Variants in SIL1 observed in about 807,000 individuals in gnomAD.
SIL1 encodes the protein SIL1 nucleotide exchange factor.
Under a neutral mutation model 49.1 loss-of-function variants are expected in SIL1, and 40 were observed. The ratio of observed to expected loss-of-function variants is 0.81; its 90% confidence interval spans 0.63 to 1.06. The LOEUF is 1.06. Ranked by LOEUF, SIL1 falls within the 50% of genes least tolerant of loss-of-function variation. SIL1 has a pLI of 0.00. For synonymous variants in SIL1, 253 were observed against 250.8 expected (o/e 1.01, Z -0.08); for missense variants, 500 against 572.6 (o/e 0.87, Z 1.29).
intron 1 of SIL1, among the ~76,000 whole-genome samples, chr5:139,174,427 G>A (rs2352071): frequency 1.3e-5 from 2 of 152,030 alleles, no homozygotes; most frequent in South Asian, 4.1e-4. Context: ...AGCCCAGGAG[G>A]TCATGACTAC....
intron 7 of SIL1, among the ~76,000 whole-genome samples, chr5:139,008,907 G>C (rs1391362809): frequency 6.6e-6 from 1 of 151,972 alleles, no homozygotes; most frequent in African/African-American, 2.4e-5. Context: ...TGGAATAGGT[G>C]TGGTGTGGTG....
intron 7 of SIL1, among the ~76,000 whole-genome samples, chr5:138,976,607 G>A (rs891757302): frequency 7.9e-5 from 12 of 151,984 alleles, no homozygotes; most frequent in Admixed American, 6.6e-5. Flanking sequence ...GAGCCACCAC[G>A]CAGGCCATTA....
chr5:138,971,786 T>TG (rs1767285027), intron 7 of SIL1, among the ~76,000 whole-genome samples: 1 of 152,166 alleles, frequency 6.6e-6, no homozygotes, highest in Non-Finnish European at 1.5e-5. Flanking sequence ...AGCTGCCACT[T>TG]TGCTCAATGC....
chr5:139,056,499 T>TG (rs1472330706), intron 3 of SIL1, among the ~76,000 whole-genome samples: 1 of 128,924 alleles, frequency 7.8e-6, no homozygotes, highest in Non-Finnish European at 1.6e-5. Flanking sequence ...GGGAGGGAGG[T>TG]GGGGGTCAGC....
chr5:139,154,448 G>A (rs1212779287), intron 1 of SIL1, among the ~76,000 whole-genome samples: 1 of 152,156 alleles, frequency 6.6e-6, no homozygotes, highest in Non-Finnish European at 1.5e-5. Context: ...ACTCTATCCA[G>A]CCATGTGCTC....
intron 7 of SIL1, among the ~76,000 whole-genome samples, chr5:138,999,309 C>T (rs1767938670): frequency 6.6e-6 from 1 of 152,108 alleles, no homozygotes; most frequent in South Asian, 2.1e-4. Flanking sequence ...TTCATAGCTG[C>T]TGTAAATGGA....
chr5:139,159,911 A>C (rs867638130), intron 1 of SIL1, among the ~76,000 whole-genome samples: 1 of 152,204 alleles, frequency 6.6e-6, no homozygotes. Flanking sequence ...AAGTATGTTT[A>C]CTTTCTAAAC....
intron 3 of SIL1, among the ~76,000 whole-genome samples, chr5:139,060,779 G>A (rs933635430): frequency 8.5e-5 from 13 of 152,098 alleles, no homozygotes; most frequent in Admixed American, 7.9e-4. Flanking sequence ...ATATTTCTAG[G>A]GGCCAGGAAA....
intron 3 of SIL1, among the ~76,000 whole-genome samples, chr5:139,053,133 G>A (rs1018318676): frequency 2.6e-5 from 4 of 152,152 alleles, no homozygotes; most frequent in African/African-American, 9.7e-5. Flanking sequence ...CTCACCTGGA[G>A]AGATCCCAAA....
At chr5:139,005,246 G>C (rs1025847545) in intron 7 of SIL1, among the ~76,000 whole-genome samples, 104 of 129,296 alleles carry the variant, frequency 8.0e-4, no homozygotes, top group African/African-American at 2.9e-3. Context: ...TATCTGCCAA[G>C]TAAAAAAAAA....
intron 1 of SIL1, among the ~76,000 whole-genome samples, chr5:139,135,310 G>C (rs566335610): frequency 1.3e-5 from 2 of 152,132 alleles, no homozygotes; most frequent in Admixed American, 6.5e-5. Context: ...AGCAAAGAGG[G>C]ACTGCTCTCA....
chr5:139,149,044 C>G (rs77802088), intron 1 of SIL1, among the ~76,000 whole-genome samples: 1 of 152,034 alleles, frequency 6.6e-6, no homozygotes, highest in African/African-American at 2.4e-5. Context: ...CAACCACTCC[C>G]GTTAACAACT....
intron 3 of SIL1, among the ~76,000 whole-genome samples, chr5:139,052,430 T>C (rs1293627825): frequency 2.0e-5 from 3 of 152,182 alleles, no homozygotes; most frequent in African/African-American, 7.2e-5. Flanking sequence ...CCAGGCATGG[T>C]TGCTCACACT....
At chr5:139,064,560 A>C (rs1282216415) in intron 3 of SIL1, among the ~76,000 whole-genome samples, 1 of 152,214 alleles carries the variant, frequency 6.6e-6, no homozygotes, top group African/African-American at 2.4e-5. Context: ...GCCTCCTTTC[A>C]CCTGTCAAAG....
chr5:138,988,068 G>A (rs1429214401), intron 7 of SIL1, among the ~76,000 whole-genome samples: 2 of 152,152 alleles, frequency 1.3e-5, no homozygotes, highest in African/African-American at 2.4e-5. Flanking sequence ...CCTGACCTCA[G>A]GTGATCTGCC....
At chr5:139,066,402 G>GCT (rs1769705497) in intron 3 of SIL1, among the ~76,000 whole-genome samples, 1 of 151,960 alleles carries the variant, frequency 6.6e-6, no homozygotes, top group Non-Finnish European at 1.5e-5. Flanking sequence ...TGCCACCCAG[G>GCT]CTGGAGTACA....
chr5:139,117,874 G>A (rs1042124842), intron 3 of SIL1, among the ~76,000 whole-genome samples: 3 of 152,116 alleles, frequency 2.0e-5, no homozygotes, highest in Non-Finnish European at 4.4e-5. Flanking sequence ...GAAGGCCCAC[G>A]AAGTCATGAG....
rs529540103 is a variant in SIL1 at position 139,121,026 on chromosome 5, G to A, written c.244+9C>T. ...GTGTGTTTTGTGGGGACAGGGCTGG[G>A]CCTGATACCTGGCTGAAGGGCCTGC... On this transcript the variant is annotated intron_variant, in intron 3 of 9. Transcript: ENST00000394817. 1 of 1,613,868 alleles carries A rather than the reference G, an allele frequency of 6.2e-7. No homozygotes were observed.
Position 138,951,300 on chromosome 5 carries a change from G to C in SIL1, c.900C>G (p.Phe300Leu). ...TCAGGAACTGCCGCTGGGCATAGGG[G>C]AAGTGGCGCAGCAGGGAGCACAGTG... Reference protein sequence around the residue: ...LFALCSLLRHFPYAQRQFLKL... With the variant: ...LFALCSLLRHLPYAQRQFLKL... The change falls in exon 9 of 10, where the codon TTC (phenylalanine) becomes TTG (leucine). Residue 300 changes from phenylalanine (F) to leucine (L), a missense_variant. Physicochemically the swap from Phe to Leu is conservative, Grantham distance 22. Transcript: ENST00000394817. 1 of 1,564,220 alleles carries C rather than the reference G, an allele frequency of 6.4e-7. No individual in the cohort carries two copies. Among genetic ancestry groups the C allele is most frequent in the Middle Eastern group, 1.7e-4 (1 of 6,008 alleles).
Sources: allele counts gnomAD v4.1 joint callset (sites outside exome capture counted in the v4.1 genomes callset), GRCh38; gene constraint gnomAD v4.1.1; transcripts MANE v1.5; gene names NCBI Gene and HGNC (gene_info 2026-07-23, HGNC 2026-07-21).